The following ST8SIA1 variants were observed in gnomAD, a reference collection of about 807,000 sequenced individuals.
ST8SIA1 encodes the protein ST8 alpha-N-acetyl-neuraminide alpha-2,8-sialyltransferase 1.
Under a neutral mutation model 35.9 loss-of-function variants are expected in ST8SIA1, and 16 were observed. The observed-to-expected ratio is 0.45, with a 90% CI of 0.30 to 0.68. ST8SIA1 has a LOEUF of 0.68. Ranked by LOEUF, ST8SIA1 falls within the 30% of genes least tolerant of loss-of-function variation. The pLI is 0.09. For synonymous variants in ST8SIA1, 170 were observed against 169.6 expected, an observed-to-expected ratio of 1.00 and a Z score of -0.02; for missense variants, 383 against 453.6, an observed-to-expected ratio of 0.84 and a Z score of 1.41.
At chr12:22,229,058 A>AG (rs1185121935) in intron 4 of ST8SIA1, among the ~76,000 whole-genome samples, 1 of 150,826 alleles carries the variant, frequency 6.6e-6, no homozygotes, top group African/African-American at 2.4e-5. Flanking sequence ...CATCTCCAAA[A>AG]AAAAAAAAAA....
chr12:22,257,253 C>G (rs1865737998), intron 2 of ST8SIA1, among the ~76,000 whole-genome samples: 1 of 151,944 alleles, frequency 6.6e-6, no homozygotes, highest in Admixed American at 6.6e-5. Context: ...GCTTAGTCAC[C>G]CAGGCTGGAG....
rs1565573459 is a variant in ST8SIA1 at position 22,233,928 on chromosome 12, A to AC, written c.584+15077_584+15078insG. Among the ~76,000 whole-genome samples the AC allele has an allele frequency of 2.4e-5, 3 of 126,896 alleles. No homozygotes were observed. The Admixed American group carries it at 2.7e-4, about 11-fold the overall frequency. 83.2% of individuals were successfully genotyped at this position (126,896 alleles called of 152,430 possible). A position where few individuals can be genotyped will look rare whatever the true frequency, so the allele number is the denominator to read the frequency against. ...ATTTGTATTTCAGAGGAATTGGCAG[A>AC]TTTTTTTGTTTAAAACAAATTATAT... is the stretch of plus-strand genomic sequence containing the variant. On this transcript the variant is annotated intron_variant, in intron 4 of 4. Transcript: ENST00000396037.
chr12:22,285,877 C>CAAAAAAAACAAAAAAAACAAAA (rs67273710), intron 2 of ST8SIA1, among the ~76,000 whole-genome samples: 4 of 103,630 alleles, frequency 3.9e-5, no homozygotes, highest in African/African-American at 7.4e-5. Context: ...CTGTCAAAAA[C>CAAAAAAAACAAAAAAAACAAAA]AAAAAAAAAA....
chr12:22,306,022 A>G (rs912143305), intron 1 of ST8SIA1, among the ~76,000 whole-genome samples: 1 of 152,202 alleles, frequency 6.6e-6, no homozygotes, highest in Non-Finnish European at 1.5e-5. Context: ...AAGTCCAGGA[A>G]TGAACAAAGA....
intron 1 of ST8SIA1, among the ~76,000 whole-genome samples, chr12:22,323,545 T>TATAGGC (rs1175119825): frequency 6.6e-6 from 1 of 152,148 alleles, no homozygotes; most frequent in Non-Finnish European, 1.5e-5. Context: ...ATTATAAAGA[T>TATAGGC]ATAGGCACAC....
chr12:22,258,841 C>T (rs1160434914), intron 2 of ST8SIA1, among the ~76,000 whole-genome samples: 2 of 152,150 alleles, frequency 1.3e-5, no homozygotes, highest in African/African-American at 4.8e-5. Flanking sequence ...GGAATCTGGC[C>T]GCAAAACAAA....
At chr12:22,248,730 A>C (rs770216812) in intron 4 of ST8SIA1, 5 of 313,714 alleles carry the variant, frequency 1.6e-5, no homozygotes, top group African/African-American at 6.4e-5. Context: ...ATGAGTAAAC[A>C]GAGTATTGTG....
chr12:22,256,869 G>A (rs1187926606), intron 2 of ST8SIA1, among the ~76,000 whole-genome samples: 2 of 152,150 alleles, frequency 1.3e-5, no homozygotes, highest in Admixed American at 6.5e-5. Flanking sequence ...AGAGAGAAGA[G>A]ACGGGCAAGA....
intron 1 of ST8SIA1, 107 bp from the exon 2 acceptor site, chr12:22,287,400 T>C: frequency 2.6e-6 from 3 of 1,138,352 alleles, no homozygotes; most frequent in Non-Finnish European, 3.7e-6. Context: ...CAGTGCCAGC[T>C]CACAGAAGCA....
intron 1 of ST8SIA1, among the ~76,000 whole-genome samples, chr12:22,319,398 A>G (rs1866556397): frequency 6.6e-6 from 1 of 152,372 alleles, no homozygotes; most frequent in East Asian, 1.9e-4. Flanking sequence ...CTCTGTTTTA[A>G]AAGTCCAAAG....
chr12:22,230,854 G>C (rs78529781), intron 4 of ST8SIA1, among the ~76,000 whole-genome samples: 62 of 152,140 alleles, frequency 4.1e-4, no homozygotes, highest in African/African-American at 1.3e-3. Flanking sequence ...AATTGGGGAG[G>C]GGGTAATGGA....
intron 1 of ST8SIA1, among the ~76,000 whole-genome samples, chr12:22,301,601 T>A (rs984038027): frequency 6.6e-6 from 1 of 152,236 alleles, no homozygotes; most frequent in Non-Finnish European, 1.5e-5. Context: ...GAATATGTTT[T>A]CATTTGTAAC....
rs1865034574 is a variant in ST8SIA1 at position 22,200,188 on chromosome 12, C to T, written c.*1364G>A. On this transcript the variant is annotated 3_prime_UTR_variant, in exon 5 of 5. Transcript: ENST00000396037. The stretch of plus-strand genomic sequence containing the variant: ...TCAGGATGAGTAAGACAATTCTGCT[C>T]ATTCCGGGTAAGCATTTGGGGGTAA... 2.6e-5 allele frequency: 4 copies of T among 152,188 alleles called. No individual in the cohort carries two copies. The highest frequency in any genetic ancestry group is 2.0e-4 in the Admixed American group (3 of 15,282). The allele number at this position is 152,188 out of a possible 1,614,324, so 9.4% of individuals were successfully genotyped here.
chr12:22,295,192 G>A (rs1866228499), intron 1 of ST8SIA1, among the ~76,000 whole-genome samples: 1 of 152,166 alleles, frequency 6.6e-6, no homozygotes, highest in Non-Finnish European at 1.5e-5. Flanking sequence ...GGGTGGCTAA[G>A]TCAGTCCTCA....
intron 3 of ST8SIA1, chr12:22,250,758 C>T (rs113724308): frequency 6.6e-6 from 1 of 152,138 alleles, no homozygotes; most frequent in African/African-American, 2.4e-5. Flanking sequence ...TCAAGGCATC[C>T]TAGGCAGAAA....
At chr12:22,214,025 TA>T (rs1248558070) in intron 4 of ST8SIA1, among the ~76,000 whole-genome samples, 1 of 152,166 alleles carries the variant, frequency 6.6e-6, no homozygotes, top group Non-Finnish European at 1.5e-5. Flanking sequence ...TGTAACACAA[TA>T]GGAGAAAATG....
intron 4 of ST8SIA1, among the ~76,000 whole-genome samples, chr12:22,226,874 A>T (rs1358014975): frequency 6.6e-6 from 1 of 151,896 alleles, no homozygotes; most frequent in African/African-American, 2.4e-5. Flanking sequence ...AGGCTTTGAA[A>T]TTTTTTCTAT....
intron 1 of ST8SIA1, among the ~76,000 whole-genome samples, chr12:22,320,161 C>T (rs1866567680): frequency 6.6e-6 from 1 of 152,080 alleles, no homozygotes. Flanking sequence ...AAGCTATGTA[C>T]ATCTATAATG....
intron 1 of ST8SIA1, among the ~76,000 whole-genome samples, chr12:22,316,717 C>T (rs78910253): frequency 0.011 from 1,652 of 152,030 alleles, 34 homozygotes; most frequent in African/African-American, 0.038. Flanking sequence ...GTGACAAAAA[C>T]GTCTACTACA....
Sources: gnomAD v4.1 joint callset for allele counts (sites outside exome capture counted in the v4.1 genomes callset) on GRCh38, gnomAD v4.1.1 for gene constraint, MANE v1.5 for transcripts, NCBI Gene and HGNC (gene_info 2026-07-23, HGNC 2026-07-21) for gene names.